The following ZBTB20 variants were observed in gnomAD, a reference collection of about 807,000 sequenced individuals.
ZBTB20 encodes the protein zinc finger and BTB domain containing 20.
Under a neutral mutation model 56.9 loss-of-function variants are expected in ZBTB20, and 9 were observed. The observed-to-expected ratio is 0.16, with a 90% CI of 0.10 to 0.28. ZBTB20 has a LOEUF of 0.28. Among genes scored for constraint, ZBTB20 ranks in the 10% least tolerant of loss-of-function variants. The pLI is 1.00. For synonymous variants in ZBTB20, 417 were observed against 420.7 expected, an observed-to-expected ratio of 0.99 and a Z score of 0.11; for missense variants, 655 against 1,003.0, an observed-to-expected ratio of 0.65 and a Z score of 4.69.
At chr3:114,378,543 A>G (rs889612372) in intron 10 of ZBTB20, among the ~76,000 whole-genome samples, 1 of 152,230 alleles carries the variant, frequency 6.6e-6, no homozygotes, top group African/African-American at 2.4e-5. Flanking sequence ...ATAAAGCACA[A>G]TAAGTGAAGC....
chr3:115,138,000 A>G (rs1019522490), intron 1 of ZBTB20, among the ~76,000 whole-genome samples: 12 of 152,076 alleles, frequency 7.9e-5, no homozygotes, highest in Non-Finnish European at 1.6e-4. Context: ...TCAGTGACCC[A>G]TATTTAAGCC....
At chr3:114,862,405 GTT>G (rs11362876) in intron 4 of ZBTB20, among the ~76,000 whole-genome samples, 60 of 146,378 alleles carry the variant, frequency 4.1e-4, no homozygotes, top group Non-Finnish European at 6.8e-4. Context: ...AATGGCATCT[GTT>G]TTTTTTTTTT....
At chr3:115,116,311 T>G (rs2084017235) in intron 1 of ZBTB20, among the ~76,000 whole-genome samples, 1 of 152,072 alleles carries the variant, frequency 6.6e-6, no homozygotes, top group Non-Finnish European at 1.5e-5. Context: ...CTTCTTAGAT[T>G]TTTTAAATAA....
chr3:114,580,954 CAT>C (rs2054583294), intron 6 of ZBTB20, among the ~76,000 whole-genome samples: 1 of 151,666 alleles, frequency 6.6e-6, no homozygotes. Flanking sequence ...CCCTAAAACT[CAT>C]ATTGAATAGC....
At position 114,869,533 on chromosome 3, in the gene ZBTB20, T is replaced by C. The variant is rs186376221; in HGVS notation, c.-417+30771A>G. Among the ~76,000 whole-genome samples the C allele has an allele frequency of 3.3e-5, 5 of 152,242 alleles. No individual in the cohort carries two copies. The South Asian group carries it at 6.2e-4, about 19-fold the overall frequency. On this transcript the variant is annotated intron_variant, in intron 4 of 11. Coordinates refer to ENST00000675478, the MANE Select transcript of ZBTB20 (RefSeq NM_001348800.3). ...ATACTAGATTAAGTACTGTCTACCATAGGAAAAAATTCATCAGACTTAAGG... is the reference window on the plus strand; with the variant it reads ...ATACTAGATTAAGTACTGTCTACCACAGGAAAAAATTCATCAGACTTAAGG...
chr3:115,122,332 T>C (rs2084206387), intron 1 of ZBTB20, among the ~76,000 whole-genome samples: 1 of 151,950 alleles, frequency 6.6e-6, no homozygotes, highest in Admixed American at 6.6e-5. Flanking sequence ...TCATATTTGG[T>C]TCCTCCCTAT....
At chr3:114,565,254 C>G (rs919207368) in intron 6 of ZBTB20, among the ~76,000 whole-genome samples, 3 of 152,110 alleles carry the variant, frequency 2.0e-5, no homozygotes, top group Admixed American at 2.0e-4. Context: ...CGGTGAAATA[C>G]AAAAACAAAC....
At chr3:114,723,917 G>A (rs1285180270) in intron 5 of ZBTB20, among the ~76,000 whole-genome samples, 1 of 151,780 alleles carries the variant, frequency 6.6e-6, no homozygotes, top group Non-Finnish European at 1.5e-5. Flanking sequence ...TGCCCAGGCA[G>A]GACTGCAGTG....
At position 114,333,362 on chromosome 3, in the gene ZBTB20, G is replaced by C. The variant is rs1448831520; in HGVS notation, c.*5643C>G. ...TGTATGTAGCCTGAGCACCAGGGTA[G>C]AGATTGCTTTTGAAAGTTTGCCCCA... On this transcript the variant is annotated 3_prime_UTR_variant, in exon 12 of 12. Coordinates refer to ENST00000675478, the MANE Select transcript of ZBTB20 (RefSeq NM_001348800.3). 3 of 152,230 alleles carry C rather than the reference G, an allele frequency of 2.0e-5. No homozygotes were observed. The highest frequency in any genetic ancestry group is 4.4e-5 in the Non-Finnish European group (3 of 68,036). The allele number at this position is 152,230 out of a possible 1,614,324, so 9.4% of individuals were successfully genotyped here.
Position 114,819,429 on chromosome 3 carries a change from A to G in ZBTB20, c.-416-18255T>C, listed in dbSNP as rs756146517. Among the ~76,000 whole-genome samples the G allele has an allele frequency of 4.3e-4, 66 of 151,934 alleles. 1 individual carries two copies. The highest frequency in any genetic ancestry group is 2.4e-3 in the Admixed American group (37 of 15,266). On this transcript the variant is annotated intron_variant, in intron 4 of 11. Coordinates refer to ENST00000675478, the MANE Select transcript of ZBTB20 (RefSeq NM_001348800.3). ...AAAGATAAGGAAGGATTTTACCTAA[A>G]AGATACACAAACTTATTTTGAAGCT...
chr3:114,577,046 T>A (rs2054152298), intron 6 of ZBTB20, among the ~76,000 whole-genome samples: 1 of 152,166 alleles, frequency 6.6e-6, no homozygotes, highest in Admixed American at 6.5e-5. Context: ...TTCTGCTATT[T>A]ACTTGTTATA....
chr3:114,700,957 A>G (rs1159980536), intron 5 of ZBTB20, among the ~76,000 whole-genome samples: 1 of 152,162 alleles, frequency 6.6e-6, no homozygotes, highest in African/African-American at 2.4e-5. Context: ...CTATTTCTTA[A>G]AAAAGAAAAC....
intron 3 of ZBTB20, among the ~76,000 whole-genome samples, chr3:114,947,571 A>G (rs1486453869): frequency 6.8e-6 from 1 of 146,002 alleles, no homozygotes; most frequent in Non-Finnish European, 1.5e-5. Flanking sequence ...CAAATGTCCT[A>G]TGTTCTCACT....
chr3:114,962,798 G>GA, intron 3 of ZBTB20, among the ~76,000 whole-genome samples: 1 of 151,802 alleles, frequency 6.6e-6, no homozygotes, highest in Admixed American at 6.6e-5. Flanking sequence ...TAATGACTGA[G>GA]AAAAAAAGGG....
At chr3:114,437,989 AG>A (rs1697435417) in intron 7 of ZBTB20, among the ~76,000 whole-genome samples, 1 of 152,172 alleles carries the variant, frequency 6.6e-6, no homozygotes, top group South Asian at 2.1e-4. Context: ...GGCAGGCATT[AG>A]TGTGTTTGTA....
intron 3 of ZBTB20, among the ~76,000 whole-genome samples, chr3:114,911,690 T>C (rs1258714988): frequency 1.3e-5 from 2 of 151,812 alleles, no homozygotes; most frequent in Admixed American, 6.6e-5. Context: ...ATGAACATGA[T>C]GACAGGTAAT....
intron 3 of ZBTB20, among the ~76,000 whole-genome samples, chr3:114,906,718 C>T (rs2107689944): frequency 6.6e-6 from 1 of 151,562 alleles, no homozygotes; most frequent in African/African-American, 2.4e-5. Context: ...GCGTCTGCAA[C>T]AAGATTGAGC....
At chr3:114,797,275 ACC>A (rs2071397571) in intron 5 of ZBTB20, among the ~76,000 whole-genome samples, 1 of 151,604 alleles carries the variant, frequency 6.6e-6, no homozygotes, top group Non-Finnish European at 1.5e-5. Flanking sequence ...AACTTTCATG[ACC>A]TACTAATGCG....
At chr3:115,082,080 A>G (rs370315043) in intron 1 of ZBTB20, among the ~76,000 whole-genome samples, 3 of 152,338 alleles carry the variant, frequency 2.0e-5, no homozygotes, top group East Asian at 3.9e-4. Flanking sequence ...CTGTATACTA[A>G]CACTGCCTTG....
Sources: gnomAD v4.1 joint callset for allele counts (sites outside exome capture counted in the v4.1 genomes callset) on GRCh38, gnomAD v4.1.1 for gene constraint, MANE v1.5 for transcripts, NCBI Gene and HGNC (gene_info 2026-07-23, HGNC 2026-07-21) for gene names.